The following SLC7A2 variants were observed in gnomAD, a reference collection of about 807,000 sequenced individuals.
SLC7A2 encodes the protein cationic amino acid transporter 2.
Under a neutral mutation model 58.9 loss-of-function variants are expected in SLC7A2, and 48 were observed. That is an observed-to-expected ratio of 0.82 (90% CI 0.65 to 1.04). SLC7A2 has a LOEUF of 1.04. Among genes scored for constraint, SLC7A2 ranks in the 50% least tolerant of loss-of-function variants. The pLI is 0.00. For synonymous variants in SLC7A2, 363 were observed against 314.5 expected, an observed-to-expected ratio of 1.15 and a Z score of -1.63; for missense variants, 1,029 against 818.8, an observed-to-expected ratio of 1.26 and a Z score of -3.13.
At chr8:17,503,918 G>A (rs946897176) in intron 2 of SLC7A2, among the ~76,000 whole-genome samples, 2 of 152,170 alleles carry the variant, frequency 1.3e-5, no homozygotes, top group Non-Finnish European at 2.9e-5. Flanking sequence ...CCTAGAAGGA[G>A]CCTGGGGTGA....
intron 9 of SLC7A2, among the ~76,000 whole-genome samples, chr8:17,558,987 T>C (rs1802836723): frequency 6.6e-6 from 1 of 152,208 alleles, no homozygotes. Context: ...ATATAGACAT[T>C]ATATGCCTGG....
chr8:17,529,240 C>G (rs1259519135), intron 2 of SLC7A2, among the ~76,000 whole-genome samples: 1 of 152,168 alleles, frequency 6.6e-6, no homozygotes, highest in African/African-American at 2.4e-5. Context: ...AGTAATTGTC[C>G]TTAACCACAC....
At chr8:17,557,092 G>A (rs1226837110) in intron 8 of SLC7A2, among the ~76,000 whole-genome samples, 2 of 151,990 alleles carry the variant, frequency 1.3e-5, no homozygotes, top group Non-Finnish European at 2.9e-5. Flanking sequence ...CTGAGTTTGG[G>A]GTCAAAAATT....
chr8:17,514,183 G>C (rs773704136), intron 2 of SLC7A2, among the ~76,000 whole-genome samples: 4 of 152,002 alleles, frequency 2.6e-5, no homozygotes, highest in Non-Finnish European at 5.9e-5. Flanking sequence ...ATCCAGGTAA[G>C]TAACAGACAT....
At chr8:17,515,607 C>G (rs886366250) in intron 2 of SLC7A2, among the ~76,000 whole-genome samples, 1 of 152,002 alleles carries the variant, frequency 6.6e-6, no homozygotes, top group Non-Finnish European at 1.5e-5. Flanking sequence ...TGCCATTTTT[C>G]TGAAGGATGG....
At chr8:17,532,713 G>C (rs1309016921) in intron 2 of SLC7A2, among the ~76,000 whole-genome samples, 1 of 152,086 alleles carries the variant, frequency 6.6e-6, no homozygotes, top group Admixed American at 6.5e-5. Context: ...CACATCAATA[G>C]GAATTTTAAA....
intron 2 of SLC7A2, among the ~76,000 whole-genome samples, chr8:17,536,948 C>T (rs77884030): frequency 0.028 from 4,217 of 152,310 alleles, 73 homozygotes; most frequent in South Asian, 0.048. Context: ...CGCAGCAAGG[C>T]CTGGGGGGAC....
At chr8:17,545,535 C>G (rs2150743565) in intron 4 of SLC7A2, among the ~76,000 whole-genome samples, 1 of 149,590 alleles carries the variant, frequency 6.7e-6, no homozygotes, top group East Asian at 2.0e-4. Context: ...GTAGCTGGGA[C>G]TACAGGTGCG....
intron 2 of SLC7A2, among the ~76,000 whole-genome samples, chr8:17,540,468 A>G (rs1445421428): frequency 6.6e-6 from 1 of 152,150 alleles, no homozygotes; most frequent in East Asian, 1.9e-4. Context: ...TTAATGGGAA[A>G]GAAGTAATTT....
intron 1 of SLC7A2, chr8:17,500,545 A>C (rs1800111959): frequency 6.6e-6 from 1 of 152,328 alleles, no homozygotes; most frequent in Admixed American, 6.5e-5. Context: ...GGTGCAGCAA[A>C]CCACCATGGC....
intron 2 of SLC7A2, among the ~76,000 whole-genome samples, chr8:17,527,588 A>C (rs952952698): frequency 6.6e-6 from 1 of 152,166 alleles, no homozygotes; most frequent in African/African-American, 2.4e-5. Flanking sequence ...TCCTTCTGAA[A>C]CCTGCAGGGG....
At position 17,565,242 on chromosome 8, in the gene SLC7A2, G is replaced by A; in HGVS notation, c.*96G>A. 1.1e-6 allele frequency: 1 copy of A among 949,462 alleles called. No individual in the cohort carries two copies. The highest frequency in any genetic ancestry group is 1.6e-6 in the Non-Finnish European group (1 of 636,208). The allele number at this position is 949,462 out of a possible 1,614,324, so 58.8% of individuals were successfully genotyped here. A position where few individuals can be genotyped will look rare whatever the true frequency, so the allele number is the denominator to read the frequency against. ...TCATCAGCATGCTGGGTTGTCATGG[G>A]TTTGCTGCATACATAGTTCACCCTA... On this transcript the variant is annotated 3_prime_UTR_variant, in exon 13 of 13. Coordinates refer to ENST00000494857, the MANE Select transcript of SLC7A2 (RefSeq NM_001370338.1).
chr8:17,542,058 G>T (rs899550241), intron 2 of SLC7A2, among the ~76,000 whole-genome samples: 10 of 152,066 alleles, frequency 6.6e-5, no homozygotes, highest in African/African-American at 2.4e-4. Flanking sequence ...AATATAATAA[G>T]CATGTGTATT....
chr8:17,537,437 A>G (rs184501613), intron 2 of SLC7A2, among the ~76,000 whole-genome samples: 21 of 152,258 alleles, frequency 1.4e-4, no homozygotes, highest in African/African-American at 4.6e-4. Flanking sequence ...AGCCTGCACT[A>G]GACCATTTGA....
At chr8:17,557,291 T>G (rs1802752318) in intron 8 of SLC7A2, among the ~76,000 whole-genome samples, 1 of 152,196 alleles carries the variant, frequency 6.6e-6, no homozygotes, top group African/African-American at 2.4e-5. Flanking sequence ...CAAGTTAATA[T>G]TGTCACTATT....
At chr8:17,554,392 G>A (rs1802589524) in intron 7 of SLC7A2, among the ~76,000 whole-genome samples, 168 bp from the exon 8 acceptor site, 1 of 151,926 alleles carries the variant, frequency 6.6e-6, no homozygotes, top group African/African-American at 2.4e-5. Flanking sequence ...TTTTTTAAAT[G>A]CCCTATCATA....
intron 2 of SLC7A2, among the ~76,000 whole-genome samples, chr8:17,519,984 A>T (rs1298806984): frequency 1.3e-5 from 2 of 152,276 alleles, no homozygotes; most frequent in East Asian, 3.9e-4. Flanking sequence ...CCCAACAATG[A>T]CTTGGGAAAA....
intron 2 of SLC7A2, among the ~76,000 whole-genome samples, chr8:17,508,108 C>A (rs1800448374): frequency 6.6e-6 from 1 of 150,594 alleles, no homozygotes; most frequent in Non-Finnish European, 1.5e-5. Flanking sequence ...AAAAAAAAAG[C>A]TATTTGAATT....
At chr8:17,501,881 TAA>T (rs10583339) in intron 1 of SLC7A2, among the ~76,000 whole-genome samples, 32 of 142,326 alleles carry the variant, frequency 2.2e-4, no homozygotes, top group East Asian at 6.0e-4. Flanking sequence ...AACAGGAGCT[TAA>T]AAAAAAAAAA....
Sources: gnomAD v4.1 joint callset for allele counts (sites outside exome capture counted in the v4.1 genomes callset) on GRCh38, gnomAD v4.1.1 for gene constraint, MANE v1.5 for transcripts, NCBI Gene and HGNC (gene_info 2026-07-23, HGNC 2026-07-21) for gene names.